ARHGAP24: variants seen among roughly 807,000 people sequenced by gnomAD.
The protein encoded by ARHGAP24 is rho GTPase-activating protein 24.
A neutral mutation model predicts 76.4 loss-of-function variants in ARHGAP24; 50 were observed. That is an observed-to-expected ratio of 0.65 (90% confidence interval 0.52 to 0.83). The LOEUF (loss-of-function observed/expected upper bound fraction) is 0.83. ARHGAP24 is among the 40% of genes least tolerant of loss of function. The pLI, the probability that ARHGAP24 is intolerant of heterozygous loss-of-function variation, is 0.00. For synonymous variants in ARHGAP24, 345 were observed against 323.3 expected, an observed-to-expected ratio of 1.07 and a Z score of -0.72; for missense variants, 930 against 914.2, an observed-to-expected ratio of 1.02 and a Z score of -0.22.
chr4:85,861,824 C>T (rs922473752), intron 3 of ARHGAP24, among the ~76,000 whole-genome samples: 3 of 152,062 alleles, frequency 2.0e-5, no homozygotes, highest in African/African-American at 2.4e-5. Flanking sequence ...TTCCCTGCTT[C>T]CGAACACTAT....
At chr4:85,778,616 T>C in intron 3 of ARHGAP24, 2 of 932,000 alleles carry the variant, frequency 2.1e-6, no homozygotes, top group Non-Finnish European at 2.6e-6. Flanking sequence ...TTTGTTTTGT[T>C]TTGTTTCTAA....
At chr4:85,625,633 C>T (rs923468197) in intron 2 of ARHGAP24, among the ~76,000 whole-genome samples, 1 of 152,014 alleles carries the variant, frequency 6.6e-6, no homozygotes, top group African/African-American at 2.4e-5. Context: ...TCCTTGTTAA[C>T]TTTTTTCTTG....
chr4:85,812,802 A>C (rs989974014), intron 3 of ARHGAP24, among the ~76,000 whole-genome samples: 7 of 152,336 alleles, frequency 4.6e-5, no homozygotes, highest in African/African-American at 1.7e-4. Context: ...TGGATTCTTC[A>C]AAAGACCCAG....
chr4:85,965,733 T>A (rs1032253141), intron 5 of ARHGAP24, among the ~76,000 whole-genome samples: 1 of 152,172 alleles, frequency 6.6e-6, no homozygotes, highest in African/African-American at 2.4e-5. Context: ...TAGTCAGCAA[T>A]TATTAGAAAA....
intron 1 of ARHGAP24, among the ~76,000 whole-genome samples, chr4:85,556,317 G>A (rs1320841951): frequency 6.6e-6 from 1 of 152,176 alleles, no homozygotes; most frequent in Non-Finnish European, 1.5e-5. Flanking sequence ...GAAACACAAA[G>A]CCATTAGCAA....
chr4:85,523,296 G>A (rs970955860), intron 1 of ARHGAP24, among the ~76,000 whole-genome samples: 1 of 152,110 alleles, frequency 6.6e-6, no homozygotes, highest in Non-Finnish European at 1.5e-5. Context: ...GAGAACTGAA[G>A]TACTTCAGTA....
At chr4:85,906,937 A>G (rs1156377454) in intron 3 of ARHGAP24, among the ~76,000 whole-genome samples, 1 of 152,210 alleles carries the variant, frequency 6.6e-6, no homozygotes, top group African/African-American at 2.4e-5. Flanking sequence ...TCTATTTTAA[A>G]GAAGGGAGAA....
chr4:85,873,294 G>A (rs1412539942), intron 3 of ARHGAP24, among the ~76,000 whole-genome samples: 2 of 152,204 alleles, frequency 1.3e-5, no homozygotes, highest in African/African-American at 4.8e-5. Flanking sequence ...ATAATTCAGA[G>A]AAATAAAGTA....
chr4:85,640,086 A>T (rs934056973), intron 2 of ARHGAP24, among the ~76,000 whole-genome samples: 2 of 152,062 alleles, frequency 1.3e-5, no homozygotes, highest in Admixed American at 1.3e-4. Flanking sequence ...TGTTTTTCAA[A>T]TACAAATAAT....
intron 3 of ARHGAP24, among the ~76,000 whole-genome samples, chr4:85,865,357 A>G (rs913206436): frequency 1.3e-5 from 2 of 151,138 alleles, no homozygotes; most frequent in Non-Finnish European, 2.9e-5. Context: ...TTCAGTTCTC[A>G]GTTTAAAACT....
At chr4:85,485,047 A>G (rs959200891) in intron 1 of ARHGAP24, among the ~76,000 whole-genome samples, 3 of 151,846 alleles carry the variant, frequency 2.0e-5, no homozygotes, top group Non-Finnish European at 4.4e-5. Context: ...TTTTCCTTAA[A>G]AAAATATTGA....
At chr4:85,551,835 A>AG (rs1439750756) in intron 1 of ARHGAP24, among the ~76,000 whole-genome samples, 2 of 22,020 alleles carry the variant, frequency 9.1e-5, no homozygotes, top group Non-Finnish European at 3.6e-3. Context: ...GTAGTCTCTG[A>AG]GGGTTTTTTT....
At chr4:85,645,825 T>C (rs1029576992) in intron 2 of ARHGAP24, among the ~76,000 whole-genome samples, 1 of 152,008 alleles carries the variant, frequency 6.6e-6, no homozygotes, top group Non-Finnish European at 1.5e-5. Flanking sequence ...TTTTAAATGG[T>C]TTTCCAATTA....
chr4:85,533,679 C>G (rs1032279363), intron 1 of ARHGAP24, among the ~76,000 whole-genome samples: 1 of 152,074 alleles, frequency 6.6e-6, no homozygotes, highest in Non-Finnish European at 1.5e-5. Context: ...ATCTTTCAGT[C>G]TCTGTGTCAG....
At chr4:85,933,917 A>C (rs2148819165) in intron 4 of ARHGAP24, among the ~76,000 whole-genome samples, 1 of 152,326 alleles carries the variant, frequency 6.6e-6, no homozygotes, top group East Asian at 1.9e-4. Flanking sequence ...TTTCCTACAC[A>C]GCAGCCACTT....
chr4:85,530,707 A>G (rs941427898), intron 1 of ARHGAP24, among the ~76,000 whole-genome samples: 1 of 152,060 alleles, frequency 6.6e-6, no homozygotes, highest in Non-Finnish European at 1.5e-5. Flanking sequence ...AATATTCCTT[A>G]GTGCAAGAGC....
intron 5 of ARHGAP24, among the ~76,000 whole-genome samples, chr4:85,945,442 T>C (rs1280350464): frequency 1.3e-5 from 2 of 151,602 alleles, no homozygotes; most frequent in Non-Finnish European, 2.9e-5. Flanking sequence ...AACAAACAAA[T>C]AAAATAACAT....
At chr4:85,966,195 G>A (rs1202714515) in intron 5 of ARHGAP24, among the ~76,000 whole-genome samples, 5 of 152,098 alleles carry the variant, frequency 3.3e-5, no homozygotes, top group African/African-American at 1.2e-4. Flanking sequence ...CATCAGGCCA[G>A]GGCCGCACCC....
chr4:85,613,455 CT>C (rs1720458679), intron 2 of ARHGAP24, among the ~76,000 whole-genome samples: 1 of 152,052 alleles, frequency 6.6e-6, no homozygotes, highest in South Asian at 2.1e-4. Context: ...CATATATATG[CT>C]TTGATTTTTG....
Sources: allele counts gnomAD v4.1 joint callset (sites outside exome capture counted in the v4.1 genomes callset), GRCh38; gene constraint gnomAD v4.1.1; transcripts MANE v1.5; gene names NCBI Gene and HGNC (gene_info 2026-07-23, HGNC 2026-07-21).